ANKS1B: variants seen among roughly 807,000 people sequenced by gnomAD.
ANKS1B encodes ankyrin repeat and sterile alpha motif domain-containing protein 1B.
ANKS1B carries 36 observed loss-of-function variants against 148.3 expected under a neutral mutation model. The observed-to-expected ratio is 0.24, with a 90% confidence interval of 0.19 to 0.32. The LOEUF is 0.32. Ranked by LOEUF, ANKS1B falls within the 10% of genes least tolerant of loss-of-function variation. The probability of loss-of-function intolerance (pLI) is 1.00; values close to 1 mark genes in which losing one functional copy is unlikely to be tolerated. For missense variants in ANKS1B, 1,157 were observed against 1,542.6 expected (o/e 0.75, Z 4.19); for synonymous variants, 542 against 560.8 (o/e 0.97, Z 0.47).
intron 17 of ANKS1B, among the ~76,000 whole-genome samples, chr12:99,031,855 G>A (rs1228396558): frequency 6.6e-6 from 1 of 152,106 alleles, no homozygotes; most frequent in Non-Finnish European, 1.5e-5. Flanking sequence ...GTCAGGTTTT[G>A]GTCACTTGAA....
rs182968469 is a variant in ANKS1B at position 99,836,237 on chromosome 12, G to C, written c.135-10848C>G. 7.3e-3 allele frequency among the ~76,000 whole-genome samples: 1,108 copies of C among 152,042 alleles called. 11 individuals are homozygous for C. Among genetic ancestry groups the C allele is most frequent in the African/African-American group, 0.025 (1,044 of 41,502 alleles). On this transcript the variant is annotated intron_variant, in intron 1 of 26. Transcript: ENST00000683438. ...CACATACACACACACACGCACAAAA[G>C]CTTTCTAAAAATAACTGCAAACGTT... is the stretch of plus-strand genomic sequence containing the variant.
chr12:99,015,870 CA>C (rs1163250702), intron 17 of ANKS1B, among the ~76,000 whole-genome samples: 1 of 151,598 alleles, frequency 6.6e-6, no homozygotes, highest in Non-Finnish European at 1.5e-5. Flanking sequence ...CATCTCAAAC[CA>C]AAAAACAAAA....
intron 9 of ANKS1B, among the ~76,000 whole-genome samples, chr12:99,516,045 T>G (rs191077953): frequency 2.0e-5 from 3 of 152,226 alleles, no homozygotes; most frequent in African/African-American, 7.2e-5. Context: ...TTGGACTGCT[T>G]TTATATTCTA....
chr12:99,312,097 T>C (rs1342328578), intron 12 of ANKS1B, among the ~76,000 whole-genome samples: 5 of 152,172 alleles, frequency 3.3e-5, no homozygotes, highest in African/African-American at 1.2e-4. Context: ...CTACAGTTTG[T>C]AGGCAGAAAG....
intron 8 of ANKS1B, among the ~76,000 whole-genome samples, chr12:99,700,881 A>T (rs2054699875): frequency 6.6e-6 from 1 of 152,150 alleles, no homozygotes; most frequent in Admixed American, 6.6e-5. Context: ...CTTGAAGCAG[A>T]AAGTTTTGCT....
At chr12:99,443,533 T>C in intron 11 of ANKS1B, 140 bp downstream of exon 11, 1 of 873,582 alleles carries the variant, frequency 1.1e-6, no homozygotes, top group South Asian at 3.2e-5. Context: ...AAACATCCTC[T>C]TCTGAGTCCC....
intron 10 of ANKS1B, among the ~76,000 whole-genome samples, chr12:99,473,597 A>T (rs578083323): frequency 6.6e-6 from 1 of 152,160 alleles, no homozygotes; most frequent in South Asian, 2.1e-4. Flanking sequence ...AATACTTGAT[A>T]TTGTCAGAAC....
At chr12:99,805,263 C>CAAAAAAAAAAAAAAAAAAAAAAAAGA (rs2067461845) in intron 4 of ANKS1B, among the ~76,000 whole-genome samples, 2 of 28,908 alleles carry the variant, frequency 6.9e-5, no homozygotes, top group African/African-American at 1.5e-4. Context: ...GAGGAAAAGG[C>CAAAAAAAAAAAAAAAAAAAAAAAAGA]AAAAAAAAAA....
intron 22 of ANKS1B, among the ~76,000 whole-genome samples, chr12:98,796,965 T>G (rs1292177891): frequency 6.6e-6 from 1 of 152,224 alleles, no homozygotes; most frequent in Non-Finnish European, 1.5e-5. Flanking sequence ...TGATGCTGCA[T>G]GCACTAGGCA....
intron 9 of ANKS1B, among the ~76,000 whole-genome samples, chr12:99,549,582 T>C (rs1363892274): frequency 6.6e-6 from 1 of 152,242 alleles, no homozygotes; most frequent in African/African-American, 2.4e-5. Flanking sequence ...CTTTCATGAA[T>C]GCTTTACATG....
intron 17 of ANKS1B, among the ~76,000 whole-genome samples, chr12:98,966,848 T>C (rs1236559644): frequency 7.8e-6 from 1 of 127,640 alleles, no homozygotes; most frequent in Non-Finnish European, 1.6e-5. Flanking sequence ...ATGAAAACAC[T>C]TGGACACAGG....
At chr12:99,735,165 G>C (rs745951796) in intron 8 of ANKS1B, among the ~76,000 whole-genome samples, 1 of 152,086 alleles carries the variant, frequency 6.6e-6, no homozygotes, top group African/African-American at 2.4e-5. Flanking sequence ...ATCAAGAAAC[G>C]TAGAAAGATT....
intron 12 of ANKS1B, among the ~76,000 whole-genome samples, chr12:99,365,351 T>G (rs572148731): frequency 6.6e-6 from 1 of 152,210 alleles, no homozygotes; most frequent in East Asian, 1.9e-4. Context: ...ATCAGCACAA[T>G]CTGATAGACC....
At chr12:99,241,602 G>T (rs1001144815) in intron 14 of ANKS1B, among the ~76,000 whole-genome samples, 2 of 152,128 alleles carry the variant, frequency 1.3e-5, no homozygotes, top group African/African-American at 4.8e-5. Flanking sequence ...CAACAAAAGA[G>T]AATTTTATGC....
intron 14 of ANKS1B, among the ~76,000 whole-genome samples, chr12:99,212,309 A>T (rs565598786): frequency 6.6e-6 from 1 of 151,750 alleles, no homozygotes; most frequent in Non-Finnish European, 1.5e-5. Context: ...CCAACCAACA[A>T]TCTTCTATAA....
At chr12:99,403,442 C>T (rs769072255) in intron 11 of ANKS1B, among the ~76,000 whole-genome samples, 9 of 142,902 alleles carry the variant, frequency 6.3e-5, no homozygotes, top group East Asian at 1.9e-4. Flanking sequence ...CAGGCGTGAA[C>T]GACCATACCC....
intron 19 of ANKS1B, among the ~76,000 whole-genome samples, chr12:98,818,762 G>A (rs1207045949): frequency 6.6e-6 from 1 of 152,150 alleles, no homozygotes. Flanking sequence ...TTCTTGCAAA[G>A]TGAGGTTGTC....
At chr12:99,954,655 A>G (rs1163808919) in intron 1 of ANKS1B, among the ~76,000 whole-genome samples, 1 of 152,122 alleles carries the variant, frequency 6.6e-6, no homozygotes, top group East Asian at 1.9e-4. Context: ...CACTTGATTC[A>G]TTTACCTCTA....
At chr12:99,579,365 A>G (rs753194941) in intron 9 of ANKS1B, among the ~76,000 whole-genome samples, 29 of 152,214 alleles carry the variant, frequency 1.9e-4, no homozygotes, top group South Asian at 4.1e-4. Context: ...TAATTAAACT[A>G]AAGAGCTTCT....
Sources: gnomAD v4.1 joint callset for allele counts (sites outside exome capture counted in the v4.1 genomes callset) on GRCh38, gnomAD v4.1.1 for gene constraint, MANE v1.5 for transcripts, NCBI Gene and HGNC (gene_info 2026-07-23, HGNC 2026-07-21) for gene names.